Variants in DHRSX observed in about 807,000 individuals in gnomAD.
DHRSX encodes polyprenol dehydrogenase.
Under a neutral mutation model 34.0 loss-of-function variants are expected in DHRSX, and 31 were observed. That is an observed-to-expected ratio of 0.91 (90% CI 0.69 to 1.23). DHRSX has a LOEUF of 1.23. DHRSX is among the 50% of genes most tolerant of loss of function. The probability of loss-of-function intolerance (pLI) is 0.00; values close to 1 mark genes in which losing one functional copy is unlikely to be tolerated. For missense variants in DHRSX, 414 were observed against 428.1 expected (o/e 0.97, Z 0.29); for synonymous variants, 201 against 183.8 (o/e 1.09, Z -0.76).
At position 2,314,469 on chromosome X, in the gene DHRSX, A is replaced by AGAAGGGAGGAAGGAAG. The variant is rs1569487317; in HGVS notation, c.287-22867_287-22866insCTTCCTTCCTCCCTTC. ...AGGGGAGAAGGGAGGAAGGAAGGGG[A>AGAAGGGAGGAAGGAAG]GAAGGAAGGAAGGAAGGAAGGGAGG... On this transcript the variant is annotated intron_variant, in intron 3 of 6. Transcript: ENST00000334651. Among the ~76,000 whole-genome samples the AGAAGGGAGGAAGGAAG allele has an allele frequency of 1.2e-3, 24 of 19,712 alleles. 1 individual carries two copies. The highest frequency in any genetic ancestry group is 8.4e-4 in the Non-Finnish European group (7 of 8,288). The allele number at this position is 19,712 out of a possible 152,430, so 12.9% of individuals were successfully genotyped here.
In DHRSX at chrX:2,425,317, A is replaced by C; in HGVS notation, c.110-13T>G. 6.2e-7 allele frequency: 1 copy of C among 1,602,644 alleles called. No homozygotes were observed. Among genetic ancestry groups the C allele is most frequent in the Middle Eastern group, 1.7e-4 (1 of 6,034 alleles). The stretch of plus-strand genomic sequence containing the variant: ...CGTGGGGGGAAAACTGAAAAAGAAG[A>C]AGAGAAAATCATCAAACTAAGATTT... On this transcript the variant is annotated splice_polypyrimidine_tract_variant and intron_variant, in intron 1 of 6. Coordinates refer to ENST00000334651, the MANE Select transcript of DHRSX (RefSeq NM_145177.3).
chrX:2,382,690 TCAC>T (rs2043221039), intron 3 of DHRSX, among the ~76,000 whole-genome samples: 1 of 86,170 alleles, frequency 1.2e-5, no homozygotes, highest in Non-Finnish European at 2.3e-5. Flanking sequence ...ATCACCATCA[TCAC>T]CATCATCACC....
At chrX:2,310,858 C>G (rs35674558) in intron 3 of DHRSX, among the ~76,000 whole-genome samples, 6 of 151,450 alleles carry the variant, frequency 4.0e-5, no homozygotes, top group Admixed American at 4.0e-4. Context: ...GTCAGGAGTT[C>G]GAGACCAGCC....
chrX:2,335,575 C>T (rs980198696), intron 3 of DHRSX, among the ~76,000 whole-genome samples: 8 of 151,714 alleles, frequency 5.3e-5, no homozygotes, highest in Non-Finnish European at 7.4e-5. Context: ...CTCAGCCTCC[C>T]GAGTAGCCGG....
intron 5 of DHRSX, among the ~76,000 whole-genome samples, chrX:2,244,322 A>C (rs2016228618): frequency 9.2e-6 from 1 of 109,208 alleles, no homozygotes; most frequent in Admixed American, 9.1e-5. Flanking sequence ...TCTCTCTGGT[A>C]ACCTCAATCA....
At chrX:2,403,477 G>A (rs1314593576) in intron 3 of DHRSX, among the ~76,000 whole-genome samples, 3 of 152,094 alleles carry the variant, frequency 2.0e-5, no homozygotes, top group East Asian at 1.9e-4. Flanking sequence ...TCATGTATTC[G>A]TCATGCTACT....
chrX:2,451,937 C>T (rs7059171), intron 1 of DHRSX, among the ~76,000 whole-genome samples: 22,056 of 150,552 alleles, frequency 0.15, 2,051 homozygotes, highest in African/African-American at 0.26. Context: ...GAAACCACTG[C>T]CATGTACACA....
chrX:2,394,433 A>G (rs2043383411), intron 3 of DHRSX, among the ~76,000 whole-genome samples: 1 of 152,198 alleles, frequency 6.6e-6, no homozygotes, highest in African/African-American at 2.4e-5. Context: ...TGTCAGAGCT[A>G]TCGGTGAGGA....
chrX:2,330,250 C>T (rs1235902970), intron 3 of DHRSX, among the ~76,000 whole-genome samples: 2 of 150,634 alleles, frequency 1.3e-5, no homozygotes, highest in African/African-American at 2.4e-5. Context: ...GGGCCAGGTG[C>T]GGTGTCTCAT....
intron 3 of DHRSX, among the ~76,000 whole-genome samples, chrX:2,407,293 A>G (rs1377618391): frequency 6.6e-6 from 1 of 152,146 alleles, no homozygotes; most frequent in Non-Finnish European, 1.5e-5. Flanking sequence ...GGGCTAGGGG[A>G]TGGGGCCACT....
At chrX:2,449,318 G>T (rs1216223641) in intron 1 of DHRSX, among the ~76,000 whole-genome samples, 1 of 152,120 alleles carries the variant, frequency 6.6e-6, no homozygotes, top group African/African-American at 2.4e-5. Context: ...GCCTGCTCAG[G>T]AGGGTTGGTG....
At chrX:2,304,974 G>A (rs889933525) in intron 3 of DHRSX, among the ~76,000 whole-genome samples, 40 of 152,026 alleles carry the variant, frequency 2.6e-4, no homozygotes, top group Non-Finnish European at 5.0e-4. Context: ...AAGAATGATA[G>A]ACTGGATTAA....
At chrX:2,346,651 T>TC (rs1241028505) in intron 3 of DHRSX, among the ~76,000 whole-genome samples, 2 of 119,292 alleles carry the variant, frequency 1.7e-5, no homozygotes, top group African/African-American at 6.9e-5. Flanking sequence ...TCTGGTTTTT[T>TC]TTTTGTTGTT....
At position 2,330,428 on chromosome X, in the gene DHRSX, G is replaced by A. The variant is rs763638693; in HGVS notation, c.287-38825C>T. ...CCCAGCTACTCAGGAGGCTGAGGCAGAAGAATCGCTTGAACCGGGGAGGCA... is the reference window on the plus strand; with the variant it reads ...CCCAGCTACTCAGGAGGCTGAGGCAAAAGAATCGCTTGAACCGGGGAGGCA... On this transcript the variant is annotated intron_variant, in intron 3 of 6. Transcript: ENST00000334651. 4.0e-3 allele frequency among the ~76,000 whole-genome samples: 603 copies of A among 151,390 alleles called. 4 individuals are homozygous for A. Among genetic ancestry groups the A allele is most frequent in the African/African-American group, 0.014 (564 of 41,254 alleles).
At chrX:2,499,636 G>T (rs897427365) in intron 1 of DHRSX, among the ~76,000 whole-genome samples, 9 of 151,766 alleles carry the variant, frequency 5.9e-5, no homozygotes, top group African/African-American at 9.7e-5. Flanking sequence ...GCCAGGCGTG[G>T]TGGCTCACGC....
intron 3 of DHRSX, among the ~76,000 whole-genome samples, chrX:2,318,767 G>A (rs73628297): frequency 0.052 from 7,938 of 152,054 alleles, 462 homozygotes; most frequent in African/African-American, 0.13. Context: ...GGCAGCCCTC[G>A]GTGCTGCTCT....
chrX:2,468,389 G>A (rs1263224196), intron 1 of DHRSX, among the ~76,000 whole-genome samples: 2 of 152,174 alleles, frequency 1.3e-5, no homozygotes, highest in South Asian at 2.1e-4. Context: ...CTCTCACTGT[G>A]CCTGGGATGG....
At chrX:2,373,235 C>T (rs754031874) in intron 3 of DHRSX, among the ~76,000 whole-genome samples, 23 of 152,310 alleles carry the variant, frequency 1.5e-4, no homozygotes, top group Admixed American at 9.8e-4. Flanking sequence ...CCACCTGGCC[C>T]CACCCTTCAC....
chrX:2,371,028 G>A, intron 3 of DHRSX, among the ~76,000 whole-genome samples: 1 of 152,086 alleles, frequency 6.6e-6, no homozygotes, highest in Admixed American at 6.6e-5. Flanking sequence ...TCACTGCTCG[G>A]GTGTGCTTCA....
Sources: allele counts gnomAD v4.1 joint callset (sites outside exome capture counted in the v4.1 genomes callset), GRCh38; gene constraint gnomAD v4.1.1; transcripts MANE v1.5; gene names NCBI Gene and HGNC (gene_info 2026-07-23, HGNC 2026-07-21).